The following KEAP1 variants were observed in gnomAD, a reference collection of about 807,000 sequenced individuals.
KEAP1 encodes kelch like ECH associated protein 1, also known as kelch-like ECH-associated protein 1.
KEAP1 carries 26 observed loss-of-function variants against 59.7 expected under a neutral mutation model. That is an observed-to-expected ratio of 0.44 (90% CI 0.32 to 0.60). The LOEUF is 0.60. KEAP1 is among the 20% of genes least tolerant of loss of function. The pLI is 0.06. For synonymous variants in KEAP1, 350 were observed against 358.3 expected (o/e 0.98, Z 0.26); for missense variants, 539 against 871.4 (o/e 0.62, Z 4.80).
In KEAP1 at chr19:10,492,049, G is replaced by T; in HGVS notation, c.853C>A (p.Leu285Met). 6.2e-7 allele frequency: 1 copy of T among 1,614,076 alleles called. No homozygotes were observed. The highest frequency in any genetic ancestry group is 1.6e-4 in the Middle Eastern group (1 of 6,062). ...SLTPNFLQMQ[L>M]QKCEILQSDS... is the part of the protein sequence containing the mutation. ...GACTGCAGGATCTCGCACTTCTGCA[G>T]CTGCATCTGCAGGAAGTTCGGCGTC... Residue 285 changes from leucine to methionine, a missense_variant, in exon 3 of 6, where the codon CTG becomes ATG. Around this residue, in one of 4 missense-constraint regions of KEAP1, gnomAD observed 61 missense variants for 129.9 expected, o/e 0.47. Transcript: ENST00000171111.
chr19:10,489,977 C>T (rs1317760510), intron 3 of KEAP1, 124 bp from the exon 4 acceptor site: 15 of 938,384 alleles, frequency 1.6e-5, no homozygotes, highest in East Asian at 8.0e-5. Flanking sequence ...GTTCATCCGG[C>T]GCGATGGCTC....
At chr19:10,489,123 AAAGC>A in intron 5 of KEAP1, 65 bp downstream of exon 5, 1 of 1,062,400 alleles carries the variant, frequency 9.4e-7, no homozygotes, top group Non-Finnish European at 1.3e-6. Flanking sequence ...AAAAAAAAGG[AAAGC>A]AAAAGCAAAA....
chr19:10,486,575 C>G lies in KEAP1; in HGVS notation c.*77G>C. Reference sequence around the variant, plus strand: ...TGGGTTATTTGCAGTGCTGTCTTTTCTTTTAGTCCCGGTTTTTGTACAAAA... The same window carrying G: ...TGGGTTATTTGCAGTGCTGTCTTTTGTTTTAGTCCCGGTTTTTGTACAAAA... On this transcript the variant is annotated 3_prime_UTR_variant, in exon 6 of 6. Transcript: ENST00000171111. The G allele has an allele frequency of 7.0e-7, 1 of 1,431,846 alleles. No individual in the cohort carries two copies. Among genetic ancestry groups the G allele is most frequent in the East Asian group, 2.3e-5 (1 of 43,450 alleles). 88.7% of individuals were successfully genotyped at this position (1,431,846 alleles called of 1,614,324 possible).
Position 10,499,605 on chromosome 19 carries a change from G to A in KEAP1, c.429C>T (p.Ala143=), listed in dbSNP as rs1426074907. The part of the protein sequence containing the change: ...MERLIEFAYT[A]SISMGEKCVL... ...CACACTTCTCGCCCATGGAGATGGA[G>A]GCCGTGTAGGCGAATTCAATGAGGC... Residue 143 remains alanine, a synonymous_variant, in exon 2 of 6, where the codon GCC becomes GCT. Transcript: ENST00000171111. The surrounding 1 kb of genome is among the most constrained non-coding windows in gnomAD (Gnocchi z 6.7). 1.9e-6 allele frequency: 3 copies of A among 1,613,990 alleles called. No individual in the cohort carries two copies. Among genetic ancestry groups the A allele is most frequent in the East Asian group, 4.5e-5 (2 of 44,898 alleles).
At chr19:10,493,211 T>G (rs1360972771) in intron 2 of KEAP1, among the ~76,000 whole-genome samples, 2 of 150,426 alleles carry the variant, frequency 1.3e-5, no homozygotes, top group East Asian at 1.9e-4. Flanking sequence ...CAGGCTGGAG[T>G]GCAGTGGAGC....
At position 10,491,378 on chromosome 19, in the gene KEAP1, CCTAAG is replaced by C; in HGVS notation, c.1325+194_1325+198del. ...GAACCATATGGGTTTGTGACAGTCC[CCTAAG>C]CATTTCCCAGCCCCAGGCACAGAAT... On this transcript the variant is annotated intron_variant, in intron 3 of 5. Transcript: ENST00000171111. The surrounding 1 kb of genome is among the most constrained non-coding windows in gnomAD (Gnocchi z 5.2). 6.6e-6 allele frequency among the ~76,000 whole-genome samples: 1 copy of C among 152,122 alleles called. No homozygotes were observed. The highest frequency in any genetic ancestry group is 1.5e-5 in the Non-Finnish European group (1 of 68,024).
At chr19:10,500,342 C>T (rs539885520) in intron 1 of KEAP1, among the ~76,000 whole-genome samples, 2 of 152,312 alleles carry the variant, frequency 1.3e-5, no homozygotes, top group Middle Eastern at 3.4e-3. Flanking sequence ...TAAAACTGAA[C>T]TCCTCAACAG....
intron 5 of KEAP1, among the ~76,000 whole-genome samples, chr19:10,488,837 A>G (rs544999044): frequency 4.1e-5 from 6 of 145,904 alleles, no homozygotes; most frequent in Non-Finnish European, 9.1e-5. Context: ...AGGCTGAGAC[A>G]GGAGAATCGC....
At position 10,491,725 on chromosome 19, in the gene KEAP1, G is replaced by A; in HGVS notation, c.1177C>T (p.Leu393=). ...TTGGTCATGGGGTTGTAACAGTCCA[G>A]GGCGCTGGAGTCGGTGTTGCCGTCG... ...SPDGNTDSSA[L]DCYNPMTNQW... The change falls in exon 3 of 6, where the codon CTG becomes TTG. Residue 393 remains leucine, a synonymous_variant. Coordinates refer to ENST00000171111, the MANE Select transcript of KEAP1 (RefSeq NM_203500.2). This position sits in a 1 kb window ranked among gnomAD's most constrained non-coding sequence, Gnocchi z 5.2. 6.4e-7 allele frequency: 1 copy of A among 1,568,396 alleles called. No homozygotes were observed. The highest frequency in any genetic ancestry group is 8.6e-7 in the Non-Finnish European group (1 of 1,156,898).
rs1220054842 is a variant in KEAP1 at position 10,503,032 on chromosome 19, C to T, written c.-48+209G>A. 1 of 152,068 alleles carries T rather than the reference C, an allele frequency of 6.6e-6. No homozygotes were observed. The highest frequency in any genetic ancestry group is 1.5e-5 in the Non-Finnish European group (1 of 68,026). The allele number at this position is 152,068 out of a possible 1,614,324, so 9.4% of individuals were successfully genotyped here. A position where few individuals can be genotyped will look rare whatever the true frequency, so the allele number is the denominator to read the frequency against. ...AACCCCGAGTTCCAGGCCTGCGCGC[C>T]CCGGCCCGCACCAGGGGTGGGGTGG... On this transcript the variant is annotated intron_variant, in intron 1 of 5. Coordinates refer to ENST00000171111, the MANE Select transcript of KEAP1 (RefSeq NM_203500.2). The surrounding 1 kb of genome is among the most constrained non-coding windows in gnomAD (Gnocchi z 4.3).
Position 10,499,270 on chromosome 19 carries a change from C to G in KEAP1, c.639+125G>C. The G allele has an allele frequency of 2.2e-6, 2 of 914,900 alleles. No individual in the cohort carries two copies. Among genetic ancestry groups the G allele is most frequent in the Admixed American group, 4.9e-5 (2 of 41,032 alleles). 56.7% of individuals were successfully genotyped at this position (914,900 alleles called of 1,614,324 possible). A position where few individuals can be genotyped will look rare whatever the true frequency, so the allele number is the denominator to read the frequency against. On this transcript the variant is annotated intron_variant, in intron 2 of 5. Transcript: ENST00000171111. This position sits in a 1 kb window ranked among gnomAD's most constrained non-coding sequence, Gnocchi z 6.7. ...AAACTGTGGAGACTACACCACCATA[C>G]CCAGCCCAGAACCTCCTTTTTCTCC...
chr19:10,496,790 A>G (rs1344691682), intron 2 of KEAP1, among the ~76,000 whole-genome samples: 1 of 151,576 alleles, frequency 6.6e-6, no homozygotes, highest in African/African-American at 2.4e-5. Flanking sequence ...CGATAGAGCC[A>G]GACTCAGTCT....
rs1362283298 is a variant in KEAP1 at position 10,502,699 on chromosome 19, C to G, written c.-48+542G>C. 3 of 152,110 alleles carry G rather than the reference C, an allele frequency of 2.0e-5. No individual in the cohort carries two copies. Among genetic ancestry groups the G allele is most frequent in the South Asian group, 4.1e-4 (2 of 4,832 alleles). The allele number at this position is 152,110 out of a possible 1,614,324, so 9.4% of individuals were successfully genotyped here. Reference sequence around the variant, plus strand: ...CGGGCACATCCCGCCTCACTCACCCCGCCATGGCCGCGCTCCGGCTCCGCC... The same window carrying G: ...CGGGCACATCCCGCCTCACTCACCCGGCCATGGCCGCGCTCCGGCTCCGCC... On this transcript the variant is annotated intron_variant, in intron 1 of 5. Transcript: ENST00000171111. This position sits in a 1 kb window ranked among gnomAD's most constrained non-coding sequence, Gnocchi z 4.0.
At chr19:10,490,553 G>C (rs1914636154) in intron 3 of KEAP1, 1 of 152,010 alleles carries the variant, frequency 6.6e-6, no homozygotes, top group Admixed American at 6.6e-5. Context: ...GACCTCAAGT[G>C]ATCTGCCTGC....
At chr19:10,493,836 C>T (rs141749460) in intron 2 of KEAP1, among the ~76,000 whole-genome samples, 18 of 152,042 alleles carry the variant, frequency 1.2e-4, no homozygotes, top group Admixed American at 7.2e-4. Flanking sequence ...GCTGGGATTA[C>T]AAGCGTGAGC....
At chr19:10,496,203 A>G in intron 2 of KEAP1, among the ~76,000 whole-genome samples, 1 of 151,102 alleles carries the variant, frequency 6.6e-6, no homozygotes, top group East Asian at 2.0e-4. Flanking sequence ...AAAAGAAAAA[A>G]AAAAAAAAAA....
intron 5 of KEAP1, among the ~76,000 whole-genome samples, chr19:10,488,148 G>T (rs1307447791): frequency 6.6e-6 from 1 of 151,708 alleles, no homozygotes; most frequent in Non-Finnish European, 1.5e-5. Context: ...TTAGCTAGGC[G>T]TGGTGGCACG....
intron 3 of KEAP1, 21 bp from the exon 4 acceptor site, chr19:10,489,874 T>C: frequency 1.9e-6 from 3 of 1,603,682 alleles, no homozygotes; most frequent in Middle Eastern, 1.7e-4. Flanking sequence ...GTAAGAAAAA[T>C]GGGGACAATG....
chr19:10,502,590 G>C lies in KEAP1; in HGVS notation c.-48+651C>G, dbSNP rs1371670198. The C allele has an allele frequency of 1.3e-5, 2 of 152,170 alleles. No individual in the cohort carries two copies. Among genetic ancestry groups the C allele is most frequent in the East Asian group, 3.9e-4 (2 of 5,176 alleles). The allele number at this position is 152,170 out of a possible 1,614,324, so 9.4% of individuals were successfully genotyped here. ...CCCTCCGAGTCCTGGCGGGGAACTC[G>C]GAGGCGCCCTGGGCCGTGGCGCCCG... On this transcript the variant is annotated intron_variant, in intron 1 of 5. Transcript: ENST00000171111. The surrounding 1 kb of genome is among the most constrained non-coding windows in gnomAD (Gnocchi z 4.0).
Sources: allele counts gnomAD v4.1 joint callset (sites outside exome capture counted in the v4.1 genomes callset), GRCh38; gene constraint gnomAD v4.1.1; regional missense constraint gnomAD v4.1.1; non-coding constraint Gnocchi (gnomAD v3.1); transcripts MANE v1.5; gene names NCBI Gene and HGNC (gene_info 2026-07-23, HGNC 2026-07-21).